Variants in TBC1D22A observed in about 807,000 individuals in gnomAD.
The protein encoded by TBC1D22A is putative GTPase activator.
A neutral mutation model predicts 60.2 loss-of-function variants in TBC1D22A; 38 were observed. That is an observed-to-expected ratio of 0.63 (90% CI 0.49 to 0.83). The LOEUF is 0.83. Among genes scored for constraint, TBC1D22A ranks in the 40% least tolerant of loss-of-function variants. The pLI, the probability that TBC1D22A is intolerant of heterozygous loss-of-function variation, is 0.00. For missense variants in TBC1D22A, 628 were observed against 701.0 expected (o/e 0.90, Z 1.18); for synonymous variants, 302 against 281.7 (o/e 1.07, Z -0.72).
chr22:46,844,847 T>C (rs1573729), intron 4 of TBC1D22A, among the ~76,000 whole-genome samples: 68,410 of 151,788 alleles, frequency 0.45, 16,041 homozygotes, highest in African/African-American at 0.59. Context: ...AAGTGGAGAG[T>C]GGTAGGAGAC....
chr22:47,048,628 G>T (rs1017644657), intron 11 of TBC1D22A, among the ~76,000 whole-genome samples: 23 of 152,190 alleles, frequency 1.5e-4, no homozygotes, highest in African/African-American at 5.3e-4. Flanking sequence ...GGCCTCTCCC[G>T]CCAGCTCCTG....
intron 7 of TBC1D22A, among the ~76,000 whole-genome samples, chr22:46,909,776 G>A (rs1037171902): frequency 2.6e-5 from 4 of 152,046 alleles, no homozygotes; most frequent in Non-Finnish European, 5.9e-5. Flanking sequence ...AGCTGGACCC[G>A]TGCCCCGTGC....
chr22:47,168,839 G>C (rs1330550440), intron 12 of TBC1D22A, among the ~76,000 whole-genome samples: 1 of 152,188 alleles, frequency 6.6e-6, no homozygotes, highest in Non-Finnish European at 1.5e-5. Context: ...AAACCCTTTT[G>C]GTAAGAAGTA....
At chr22:46,811,611 C>G (rs754486797) in intron 4 of TBC1D22A, among the ~76,000 whole-genome samples, 1 of 152,134 alleles carries the variant, frequency 6.6e-6, no homozygotes, top group Non-Finnish European at 1.5e-5. Flanking sequence ...GCGTGCTGAG[C>G]GCGTTGTGTG....
chr22:46,983,573 G>A (rs535147224), intron 9 of TBC1D22A, among the ~76,000 whole-genome samples: 18 of 152,236 alleles, frequency 1.2e-4, no homozygotes, highest in African/African-American at 4.1e-4. Flanking sequence ...CAGGTTGACC[G>A]TGTGTGGGTT....
chr22:46,767,109 G>A (rs974075272), intron 1 of TBC1D22A, among the ~76,000 whole-genome samples: 2 of 152,150 alleles, frequency 1.3e-5, no homozygotes, highest in South Asian at 2.1e-4. Context: ...GTAGACCCTC[G>A]GTTTATGCAC....
chr22:46,879,399 A>G (rs931463774), intron 5 of TBC1D22A, among the ~76,000 whole-genome samples: 33 of 152,150 alleles, frequency 2.2e-4, no homozygotes, highest in African/African-American at 7.5e-4. Context: ...AGAATTGTTT[A>G]TAGACAGTTT....
rs765094951 is a variant in TBC1D22A at position 47,037,126 on chromosome 22, C to G, written c.1257C>G (p.Phe419Leu). The change falls in exon 11 of 13, where the codon TTC becomes TTG. Residue 419 changes from phenylalanine to leucine, a missense_variant. Phe to Leu is a conservative substitution (Grantham distance 22). Coordinates refer to ENST00000337137, the MANE Select transcript of TBC1D22A (RefSeq NM_014346.5). ...AAGTGAGATACCTGCAGTTTGCCTT[C>G]CGCTGGATGAACAACCTGCTGATGA... ...QHEVRYLQFAFRWMNNLLMRE... is the reference protein window; with the variant it reads ...QHEVRYLQFALRWMNNLLMRE... The G allele has an allele frequency of 6.2e-7, 1 of 1,614,002 alleles. No homozygotes were observed. The highest frequency in any genetic ancestry group is 2.2e-5 in the East Asian group (1 of 44,856).
At chr22:46,905,092 CT>C (rs2069364826) in intron 7 of TBC1D22A, among the ~76,000 whole-genome samples, 1 of 152,348 alleles carries the variant, frequency 6.6e-6, no homozygotes, top group Non-Finnish European at 1.5e-5. Context: ...GTTTTAAAGC[CT>C]CTGTGGCTTT....
At chr22:47,037,482 A>C (rs1487053877) in intron 11 of TBC1D22A, among the ~76,000 whole-genome samples, 2 of 152,178 alleles carry the variant, frequency 1.3e-5, no homozygotes, top group Non-Finnish European at 2.9e-5. Flanking sequence ...AACAGAAAAA[A>C]TTAGCCAAGT....
chr22:46,948,180 G>A (rs1029926443), intron 8 of TBC1D22A, among the ~76,000 whole-genome samples: 1 of 152,186 alleles, frequency 6.6e-6, no homozygotes, highest in Non-Finnish European at 1.5e-5. Flanking sequence ...AAACATTTTA[G>A]CTGAAAGAGA....
intron 8 of TBC1D22A, among the ~76,000 whole-genome samples, chr22:46,964,333 G>A (rs1351926724): frequency 6.6e-6 from 1 of 151,626 alleles, no homozygotes; most frequent in African/African-American, 2.4e-5. Flanking sequence ...CTGGGCATGT[G>A]GAGGCCCCTC....
At chr22:46,991,101 C>T (rs1342793080) in intron 9 of TBC1D22A, among the ~76,000 whole-genome samples, 4 of 152,158 alleles carry the variant, frequency 2.6e-5, no homozygotes, top group Non-Finnish European at 5.9e-5. Context: ...CTTTTAGACA[C>T]AGTAACTCAG....
intron 6 of TBC1D22A, among the ~76,000 whole-genome samples, chr22:46,893,439 A>G (rs538756950): frequency 3.2e-4 from 49 of 152,208 alleles, no homozygotes; most frequent in African/African-American, 1.1e-3. Context: ...GACAATGGGG[A>G]TGATGGCAGG....
intron 7 of TBC1D22A, among the ~76,000 whole-genome samples, chr22:46,909,661 C>G (rs924457993): frequency 6.6e-6 from 1 of 152,102 alleles, no homozygotes; most frequent in Admixed American, 6.5e-5. Flanking sequence ...TGCTGCTGCT[C>G]CTGTTCTTGT....
In TBC1D22A at chr22:47,061,383, T is replaced by TTGGTCG. The variant is rs969196933; in HGVS notation, c.1329+24191_1329+24196dup. 3.3e-5 allele frequency among the ~76,000 whole-genome samples: 5 copies of TTGGTCG among 152,196 alleles called. No individual in the cohort carries two copies. In the South Asian group the frequency reaches 8.3e-4, roughly 25 times the overall value. Reference sequence around the variant, plus strand: ...TCCTCCCCTCACTCTCTCCTCTGCCTTGGTCGTGGTCCCTGCTTGGTTCCC... The same window carrying TTGGTCG: ...TCCTCCCCTCACTCTCTCCTCTGCCTTGGTCGTGGTCGTGGTCCCTGCTTGGTTCCC... On this transcript the variant is annotated intron_variant, in intron 11 of 12. Coordinates refer to ENST00000337137, the MANE Select transcript of TBC1D22A (RefSeq NM_014346.5).
chr22:46,871,413 C>G (rs1163714519), intron 4 of TBC1D22A, among the ~76,000 whole-genome samples: 2 of 152,204 alleles, frequency 1.3e-5, no homozygotes, highest in Admixed American at 1.3e-4. Flanking sequence ...TAATGCACGT[C>G]CTTTTCAAGG....
At chr22:47,001,419 G>A (rs1241746338) in intron 10 of TBC1D22A, among the ~76,000 whole-genome samples, 3 of 145,786 alleles carry the variant, frequency 2.1e-5, no homozygotes, top group Non-Finnish European at 4.5e-5. Flanking sequence ...ACTCCCGCCC[G>A]GGCAACAAGA....
chr22:46,912,216 G>T, intron 8 of TBC1D22A, 28 bp downstream of exon 8: 2 of 1,518,646 alleles, frequency 1.3e-6, no homozygotes, highest in South Asian at 1.1e-5. Flanking sequence ...CATTAAACGT[G>T]AACTTTAGTG....
Sources: gnomAD v4.1 joint callset for allele counts (sites outside exome capture counted in the v4.1 genomes callset) on GRCh38, gnomAD v4.1.1 for gene constraint, MANE v1.5 for transcripts, NCBI Gene and HGNC (gene_info 2026-07-23, HGNC 2026-07-21) for gene names.